Variants in ARHGEF3 observed in about 807,000 individuals in gnomAD.
ARHGEF3 encodes Rho guanine nucleotide exchange factor 3.
A neutral mutation model predicts 63.2 loss-of-function variants in ARHGEF3; 28 were observed. The observed-to-expected ratio is 0.44, with a 90% CI of 0.33 to 0.61. The LOEUF (loss-of-function observed/expected upper bound fraction) is 0.61, where lower values mean the gene tolerates loss of function less well. Among genes scored for constraint, ARHGEF3 ranks in the 20% least tolerant of loss-of-function variants. The probability of loss-of-function intolerance (pLI) is 0.03; values close to 1 mark genes in which losing one functional copy is unlikely to be tolerated. For missense variants in ARHGEF3, 533 were observed against 659.3 expected, an observed-to-expected ratio of 0.81 and a Z score of 2.10; for synonymous variants, 266 against 254.2, an observed-to-expected ratio of 1.05 and a Z score of -0.44.
chr3:56,811,420 A>C (rs936628686), intron 4 of ARHGEF3, among the ~76,000 whole-genome samples: 3 of 152,208 alleles, frequency 2.0e-5, no homozygotes, highest in Non-Finnish European at 4.4e-5. Context: ...CTTTAATTAC[A>C]GAACAAGTTC....
intron 3 of ARHGEF3, among the ~76,000 whole-genome samples, chr3:56,905,008 T>G (rs1196148346): frequency 6.6e-6 from 1 of 152,210 alleles, no homozygotes; most frequent in East Asian, 1.9e-4. Flanking sequence ...GCTGGGTACA[T>G]ATGGATGACT....
At chr3:57,036,080 G>A (rs998862977) in intron 1 of ARHGEF3, among the ~76,000 whole-genome samples, 21 of 152,216 alleles carry the variant, frequency 1.4e-4, no homozygotes, top group Non-Finnish European at 5.9e-5. Flanking sequence ...AGACAGGTGA[G>A]GCCAAACTCT....
chr3:56,880,521 A>G (rs966500829), intron 4 of ARHGEF3, among the ~76,000 whole-genome samples: 1 of 152,162 alleles, frequency 6.6e-6, no homozygotes, highest in African/African-American at 2.4e-5. Context: ...ATGGATATCA[A>G]TATATACTTG....
intron 1 of ARHGEF3, among the ~76,000 whole-genome samples, chr3:57,055,859 CT>C (rs1704906949): frequency 6.6e-6 from 1 of 152,208 alleles, no homozygotes; most frequent in Non-Finnish European, 1.5e-5. Context: ...TTATATAAAG[CT>C]TCCACAACTT....
At chr3:56,887,759 C>T (rs1284697928) in intron 3 of ARHGEF3, among the ~76,000 whole-genome samples, 1 of 152,216 alleles carries the variant, frequency 6.6e-6, no homozygotes, top group Non-Finnish European at 1.5e-5. Context: ...ACTTCCCTTT[C>T]AACCATGAAA....
intron 1 of ARHGEF3, among the ~76,000 whole-genome samples, chr3:57,048,677 C>T (rs1234413903): frequency 2.6e-5 from 4 of 152,078 alleles, no homozygotes; most frequent in South Asian, 4.2e-4. Flanking sequence ...CAAACCAAAG[C>T]GAATTGGGGA....
chr3:57,020,809 A>G (rs1479883031), intron 2 of ARHGEF3, among the ~76,000 whole-genome samples: 6 of 152,218 alleles, frequency 3.9e-5, no homozygotes, highest in East Asian at 3.8e-4. Flanking sequence ...TACATTCCCT[A>G]TGGAGCTTGA....
At chr3:57,050,506 G>A (rs1704626786) in intron 1 of ARHGEF3, among the ~76,000 whole-genome samples, 1 of 152,160 alleles carries the variant, frequency 6.6e-6, no homozygotes, top group Non-Finnish European at 1.5e-5. Flanking sequence ...GAGAAAGAGA[G>A]AGAACTGGGG....
intron 4 of ARHGEF3, among the ~76,000 whole-genome samples, chr3:56,824,925 T>C (rs183408873): frequency 6.6e-6 from 1 of 152,218 alleles, no homozygotes; most frequent in Non-Finnish European, 1.5e-5. Context: ...AAACGATGTA[T>C]ACCTGTAAAA....
intron 3 of ARHGEF3, among the ~76,000 whole-genome samples, chr3:56,899,995 A>C (rs1466812124): frequency 6.6e-6 from 1 of 152,222 alleles, no homozygotes; most frequent in Non-Finnish European, 1.5e-5. Context: ...GAAGATGGGC[A>C]CGTTATCTTT....
chr3:56,816,721 G>A (rs1330276936), intron 4 of ARHGEF3, among the ~76,000 whole-genome samples: 1 of 152,204 alleles, frequency 6.6e-6, no homozygotes, highest in African/African-American at 2.4e-5. Flanking sequence ...GAGAGTTCAA[G>A]CAACTTGCCC....
At chr3:57,073,384 GA>G in intron 1 of ARHGEF3, 1 of 305,452 alleles carries the variant, frequency 3.3e-6, no homozygotes, top group Non-Finnish European at 6.0e-6. Flanking sequence ...GAAGGAAAGA[GA>G]GAGAAAGCCA....
At chr3:56,899,635 T>C (rs991513074) in intron 3 of ARHGEF3, among the ~76,000 whole-genome samples, 2 of 152,218 alleles carry the variant, frequency 1.3e-5, no homozygotes, top group African/African-American at 4.8e-5. Flanking sequence ...TACAGAAAAT[T>C]ATGAAGCCTT....
Position 57,030,298 on chromosome 3 carries a change from C to T in ARHGEF3, c.62+4790G>A, listed in dbSNP as rs568093848. Among the ~76,000 whole-genome samples, 5 of 152,310 alleles carry T rather than the reference C, an allele frequency of 3.3e-5. No individual in the cohort carries two copies. In the South Asian group the frequency reaches 1.0e-3, roughly 32 times the overall value. On this transcript the variant is annotated intron_variant, in intron 2 of 12. Coordinates refer to the ARHGEF3 transcript ENST00000338458. ...TCCAGGAGAGTAAAGCCTAGCAGAA[C>T]CGGCAAGGAGGAGGTGCTCAACACA...
At chr3:56,973,012 A>AGTTTTTTT (rs1700980124) in intron 2 of ARHGEF3, among the ~76,000 whole-genome samples, 1 of 145,842 alleles carries the variant, frequency 6.9e-6, no homozygotes, top group Non-Finnish European at 1.5e-5. Context: ...AATGGTGAAC[A>AGTTTTTTT]GTTTTTTTGT....
At chr3:56,806,375 T>G (rs1187215064), upstream of ARHGEF3, among the ~76,000 whole-genome samples, 2 of 152,246 alleles carry the variant, frequency 1.3e-5, no homozygotes, top group African/African-American at 4.8e-5. Flanking sequence ...AGCTCCCCAT[T>G]CTGCCTGTGT....
chr3:57,022,278 C>T (rs985189077), intron 2 of ARHGEF3, among the ~76,000 whole-genome samples: 1 of 152,118 alleles, frequency 6.6e-6, no homozygotes. Context: ...GTCCAGTCAC[C>T]TGGGGAAGCC....
intron 2 of ARHGEF3, among the ~76,000 whole-genome samples, chr3:56,992,024 C>CTCTCTCTGTG (rs1239113895): frequency 7.6e-5 from 10 of 131,718 alleles, no homozygotes; most frequent in African/African-American, 2.6e-4. Flanking sequence ...CCTCCTCTCT[C>CTCTCTCTGTG]TGTGTGTGTG....
At chr3:56,812,311 C>T (rs1277953345) in intron 4 of ARHGEF3, among the ~76,000 whole-genome samples, 1 of 152,114 alleles carries the variant, frequency 6.6e-6, no homozygotes, top group African/African-American at 2.4e-5. Flanking sequence ...CTTGAAGAGT[C>T]CAAACCACTT....
Sources: allele counts gnomAD v4.1 joint callset (sites outside exome capture counted in the v4.1 genomes callset), GRCh38; gene constraint gnomAD v4.1.1; transcripts MANE v1.5; gene names NCBI Gene and HGNC (gene_info 2026-07-23, HGNC 2026-07-21).